Variants in HMCN1 observed in about 807,000 individuals in gnomAD.
HMCN1 encodes hemicentin-1.
HMCN1 carries 321 observed loss-of-function variants against 625.9 expected under a neutral mutation model. That is an observed-to-expected ratio of 0.51 (90% CI 0.47 to 0.56). HMCN1 has a LOEUF of 0.56. Among genes scored for constraint, HMCN1 ranks in the 20% least tolerant of loss-of-function variants. The pLI is 0.00. For synonymous variants in HMCN1, 2,425 were observed against 2,417.6 expected (o/e 1.00, Z -0.09); for missense variants, 6,588 against 6,887.3 (o/e 0.96, Z 1.54).
At chr1:186,162,246 C>T (rs1040766060) in intron 97 of HMCN1, among the ~76,000 whole-genome samples, 6 of 152,138 alleles carry the variant, frequency 3.9e-5, no homozygotes, top group Admixed American at 6.6e-5. Flanking sequence ...ACGTAGTTCT[C>T]GAGCCTTGGC....
rs755058954 is a variant in HMCN1 at position 186,052,995 on chromosome 1, A to T, written c.6621A>T (p.Thr2207=). 1 of 1,607,686 alleles carries T rather than the reference A, an allele frequency of 6.2e-7. No homozygotes were observed. The highest frequency in any genetic ancestry group is 8.5e-7 in the Non-Finnish European group (1 of 1,174,816). Residue 2207 remains threonine (T), a synonymous_variant, in exon 43 of 107, where the codon ACA becomes ACT. Coordinates refer to ENST00000271588, the MANE Select transcript of HMCN1 (RefSeq NM_031935.3). ...IGGSDELTQL[T]VIEGNLISLL... ...GTTCTGATGAACTTACTCAACTTAC[A>T]GTCATTGAAGGGAATCTCATTAGTC...
At chr1:185,790,757 C>T (rs1466226495) in intron 1 of HMCN1, among the ~76,000 whole-genome samples, 1 of 152,218 alleles carries the variant, frequency 6.6e-6, no homozygotes, top group Non-Finnish European at 1.5e-5. Flanking sequence ...ATGCCACACA[C>T]ATTCTCCGAT....
At chr1:186,160,631 C>T (rs1196585588) in intron 97 of HMCN1, among the ~76,000 whole-genome samples, 6 of 152,104 alleles carry the variant, frequency 3.9e-5, no homozygotes, top group Non-Finnish European at 7.4e-5. Flanking sequence ...TCTTTGTTTT[C>T]GTTGGTTTCA....
intron 1 of HMCN1, among the ~76,000 whole-genome samples, chr1:185,763,337 AC>A (rs1414653170): frequency 1.3e-5 from 2 of 152,160 alleles, no homozygotes; most frequent in African/African-American, 2.4e-5. Flanking sequence ...GGCAGGAATT[AC>A]AGGGAAACAA....
chr1:185,971,995 A>G (rs1292355086), intron 15 of HMCN1, among the ~76,000 whole-genome samples: 1 of 152,186 alleles, frequency 6.6e-6, no homozygotes, highest in African/African-American at 2.4e-5. Flanking sequence ...GCAAGATGTA[A>G]AACACAGTAA....
chr1:186,185,435 A>ATAAT (rs1653230705), intron 105 of HMCN1, among the ~76,000 whole-genome samples: 1 of 152,234 alleles, frequency 6.6e-6, no homozygotes, highest in Admixed American at 6.5e-5. Context: ...TGATAAAATC[A>ATAAT]TAATTAGAAA....
At chr1:185,979,442 A>C (rs996110542) in intron 16 of HMCN1, among the ~76,000 whole-genome samples, 1 of 152,214 alleles carries the variant, frequency 6.6e-6, no homozygotes, top group African/African-American at 2.4e-5. Flanking sequence ...AAAGGAGACA[A>C]AAGAAAAGGA....
chr1:185,870,419 C>T (rs1663536696), intron 4 of HMCN1, among the ~76,000 whole-genome samples: 2 of 152,114 alleles, frequency 1.3e-5, no homozygotes, highest in African/African-American at 4.8e-5. Context: ...TTCGCTTGTC[C>T]TGAGCTTCCC....
At chr1:186,165,526 C>T (rs1651824393) in intron 98 of HMCN1, among the ~76,000 whole-genome samples, 1 of 152,192 alleles carries the variant, frequency 6.6e-6, no homozygotes, top group South Asian at 2.1e-4. Context: ...GTGAGAGAGC[C>T]ACAACATTAA....
chr1:185,867,462 C>A (rs1663329855), intron 4 of HMCN1, among the ~76,000 whole-genome samples: 1 of 152,152 alleles, frequency 6.6e-6, no homozygotes, highest in Non-Finnish European at 1.5e-5. Flanking sequence ...ACCTGGAATT[C>A]TGTAAGACTC....
At chr1:185,864,179 G>A (rs916671019) in intron 2 of HMCN1, among the ~76,000 whole-genome samples, 3 of 152,186 alleles carry the variant, frequency 2.0e-5, no homozygotes, top group Non-Finnish European at 4.4e-5. Context: ...AAGAGGGGGT[G>A]TATGAGATCA....
Position 186,082,884 on chromosome 1 carries a change from C to T in HMCN1, c.8807C>T (p.Thr2936Ile). Reference sequence around the variant, plus strand: ...CCTTAGATTCTGAATACTCAAATAACAGATATCGGCAGGTATGTGTGTGTT... The same window carrying T: ...CCTTAGATTCTGAATACTCAAATAATAGATATCGGCAGGTATGTGTGTGTT... ...RILQILNTQI[T>I]DIGRYVCVAE... The change falls in exon 57 of 107, where the codon ACA (threonine) becomes ATA (isoleucine). Residue 2936 changes from threonine (T) to isoleucine (I), a missense_variant. Physicochemically the swap from Thr to Ile is moderately conservative, Grantham distance 89. Around this residue, in one of 3 missense-constraint regions of HMCN1, gnomAD observed 4,628 missense variants for 4,853.1 expected, o/e 0.95. Transcript: ENST00000271588. 1 of 1,581,210 alleles carries T rather than the reference C, an allele frequency of 6.3e-7. No homozygotes were observed. The highest frequency in any genetic ancestry group is 1.2e-5 in the South Asian group (1 of 84,696).
rs750363865 is a variant in HMCN1 at position 186,057,220 on chromosome 1, A to T, written c.7145-14A>T. On this transcript the variant is annotated splice_polypyrimidine_tract_variant and intron_variant, in intron 45 of 106. Coordinates refer to ENST00000271588, the MANE Select transcript of HMCN1 (RefSeq NM_031935.3). ...AATATTTCCATTCCCTGTTTGTTTT[A>T]TTTTGTCTTACAGCTCCTCCAAGCA... 1.2e-6 allele frequency: 2 copies of T among 1,606,430 alleles called. No individual in the cohort carries two copies.
At chr1:185,775,471 C>T (rs1173008849) in intron 1 of HMCN1, among the ~76,000 whole-genome samples, 1 of 152,112 alleles carries the variant, frequency 6.6e-6, no homozygotes, top group African/African-American at 2.4e-5. Context: ...ATAAATGCCT[C>T]ATTGAACTGG....
chr1:186,057,426 TA>T, intron 46 of HMCN1, 25 bp downstream of exon 46: 3 of 1,498,534 alleles, frequency 2.0e-6, no homozygotes, highest in Non-Finnish European at 2.8e-6. Context: ...GGTAGCCTTA[TA>T]ATCTTGTTAG....
intron 11 of HMCN1, among the ~76,000 whole-genome samples, chr1:185,936,057 T>G (rs1667798616): frequency 6.6e-6 from 1 of 152,146 alleles, no homozygotes; most frequent in South Asian, 2.1e-4. Context: ...TAGGAATAGT[T>G]TTCTTGTTTA....
chr1:186,115,210 C>A (rs150523174), intron 74 of HMCN1, 48 bp from the exon 75 acceptor site: 3 of 1,600,674 alleles, frequency 1.9e-6, no homozygotes, highest in African/African-American at 1.3e-5. Context: ...TCAAATGGCA[C>A]GCTATTTGCT....
intron 19 of HMCN1, among the ~76,000 whole-genome samples, chr1:185,986,439 T>C (rs1652004099): frequency 6.6e-6 from 1 of 152,170 alleles, no homozygotes; most frequent in African/African-American, 2.4e-5. Flanking sequence ...TGGGCTTTTA[T>C]TGTCTTCTTC....
At chr1:185,834,824 T>G (rs1294118766) in intron 1 of HMCN1, among the ~76,000 whole-genome samples, 2 of 152,142 alleles carry the variant, frequency 1.3e-5, no homozygotes, top group Admixed American at 1.3e-4. Flanking sequence ...TTGAGTGAGC[T>G]CTAATTCAGA....
Sources: allele counts gnomAD v4.1 joint callset (sites outside exome capture counted in the v4.1 genomes callset), GRCh38; gene constraint gnomAD v4.1.1; regional missense constraint gnomAD v4.1.1; transcripts MANE v1.5; gene names NCBI Gene and HGNC (gene_info 2026-07-23, HGNC 2026-07-21).